Variants in PDE1C observed in about 807,000 individuals in gnomAD.
The protein encoded by PDE1C is phosphodiesterase 1C.
In PDE1C, 62 loss-of-function variants were observed where a neutral mutation model predicts 93.1. That is an observed-to-expected ratio of 0.67 (90% CI 0.54 to 0.82). PDE1C has a LOEUF of 0.82. Ranked by LOEUF, PDE1C falls within the 40% of genes least tolerant of loss-of-function variation. PDE1C has a pLI of 0.00. For missense variants in PDE1C, 742 were observed against 884.6 expected (o/e 0.84, Z 2.04); for synonymous variants, 325 against 310.1 (o/e 1.05, Z -0.50).
chr7:32,189,016 G>A (rs1042804844), intron 2 of PDE1C, among the ~76,000 whole-genome samples: 1 of 152,146 alleles, frequency 6.6e-6, no homozygotes, highest in Non-Finnish European at 1.5e-5. Flanking sequence ...GACTCAACCT[G>A]CTTCAAAGCA....
the PDE1C span, chr7:31,643,061 A>T: frequency 6.2e-7 from 1 of 1,613,934 alleles, no homozygotes; most frequent in Non-Finnish European, 8.5e-7. Flanking sequence ...AAATATGATC[A>T]TCCTCTGGGG....
At chr7:32,313,220 A>C (rs867841133) in intron 1 of PDE1C, among the ~76,000 whole-genome samples, 1 of 151,972 alleles carries the variant, frequency 6.6e-6, no homozygotes, top group East Asian at 1.9e-4. Context: ...TCTCACACCA[A>C]TTAGAATTGC....
chr7:32,241,658 C>T (rs73106564), intron 1 of PDE1C, among the ~76,000 whole-genome samples: 6,748 of 152,010 alleles, frequency 0.044, 303 homozygotes, highest in South Asian at 0.18. Context: ...AAAATGGAGG[C>T]CATTAGAGCA....
chr7:31,999,504 G>A (rs1259665170), intron 2 of PDE1C, among the ~76,000 whole-genome samples: 1 of 152,014 alleles, frequency 6.6e-6, no homozygotes, highest in African/African-American at 2.4e-5. Flanking sequence ...AAAGCACCAG[G>A]AATCTGCAAG....
At chr7:31,917,717 A>G (rs1462789059) in intron 2 of PDE1C, among the ~76,000 whole-genome samples, 2 of 152,170 alleles carry the variant, frequency 1.3e-5, no homozygotes, top group Admixed American at 6.5e-5. Context: ...CTGGCCAGCT[A>G]TTGGTCCATG....
rs562229589 is a variant in PDE1C, at chr7:32,115,010, TTGG to T, written c.308+54772_308+54774del. 2.0e-4 allele frequency among the ~76,000 whole-genome samples: 30 copies of T among 152,236 alleles called. No individual in the cohort carries two copies. The East Asian group carries it at 5.6e-3, about 28-fold the overall frequency. On this transcript the variant is annotated intron_variant, in intron 3 of 18. Coordinates refer to the PDE1C transcript ENST00000396193. ...GAGAAATAGGAACACTTTTACACTA[TTGG>T]TGGGAATGTAAATAAGTGCAACCAT...
intron 2 of PDE1C, among the ~76,000 whole-genome samples, chr7:32,015,233 C>T (rs1787726347): frequency 6.6e-6 from 1 of 151,534 alleles, no homozygotes; most frequent in Non-Finnish European, 1.5e-5. Context: ...AAGTTCTTTA[C>T]AGCAGTATGA....
rs1792817932 is a variant in PDE1C at position 31,847,809 on chromosome 7, C to T, written c.980+159G>A. On this transcript the variant is annotated intron_variant, in intron 9 of 17. Transcript: ENST00000396191. The stretch of plus-strand genomic sequence containing the variant: ...AAAAAAGAGAAATAAGACATACATA[C>T]ATACACAAAGAGAGGGTGAGAGTGA... 1.8e-5 allele frequency: 13 copies of T among 712,386 alleles called. 1 individual carries two copies. The South Asian group carries it at 1.9e-4, about 10-fold the overall frequency. The allele number at this position is 712,386 out of a possible 1,614,324, so 44.1% of individuals were successfully genotyped here.
chr7:32,374,189 A>AGAGAGG (rs1348938827), intron 1 of PDE1C, among the ~76,000 whole-genome samples: 2,634 of 139,420 alleles, frequency 0.019, 61 homozygotes, highest in Middle Eastern at 0.033. Context: ...AAAGAAAGAA[A>AGAGAGG]GAAAGAGAGG....
At chr7:32,309,994 T>C (rs1003645911) in intron 1 of PDE1C, among the ~76,000 whole-genome samples, 2 of 152,136 alleles carry the variant, frequency 1.3e-5, no homozygotes, top group African/African-American at 4.8e-5. Context: ...GTGTGCTGTA[T>C]TCAGGAAACC....
chr7:32,148,006 G>C (rs199611295), intron 3 of PDE1C, among the ~76,000 whole-genome samples: 13 of 42,852 alleles, frequency 3.0e-4, no homozygotes, highest in African/African-American at 6.3e-4. Context: ...AAAAAAAAAA[G>C]CCTAACCTTT....
At position 32,334,441 on chromosome 7, in the gene PDE1C, T is replaced by A. The variant is rs182213659; in HGVS notation, c.310+93381A>T. Among the ~76,000 whole-genome samples the A allele has an allele frequency of 4.5e-4, 69 of 152,236 alleles. No homozygotes were observed. The East Asian group carries it at 0.011, about 25-fold the overall frequency. ...ATTCGTATAATGGACTTTTTAAAAATTTTTCCCCCATAGGTTATTGGGGTA... is the reference window on the plus strand; with the variant it reads ...ATTCGTATAATGGACTTTTTAAAAAATTTTCCCCCATAGGTTATTGGGGTA... On this transcript the variant is annotated intron_variant, in intron 1 of 1. Transcript: ENST00000672256.
intron 2 of PDE1C, among the ~76,000 whole-genome samples, chr7:31,948,320 T>C (rs1563082079): frequency 6.6e-6 from 1 of 152,194 alleles, no homozygotes; most frequent in Non-Finnish European, 1.5e-5. Flanking sequence ...ATAGATATCT[T>C]AGCTGGTTGG....
chr7:31,753,257 A>G lies in PDE1C; in HGVS notation c.*127T>C. The G allele has an allele frequency of 8.8e-7, 1 of 1,140,944 alleles. No homozygotes were observed. The highest frequency in any genetic ancestry group is 1.2e-6 in the Non-Finnish European group (1 of 821,330). The allele number at this position is 1,140,944 out of a possible 1,614,324, so 70.7% of individuals were successfully genotyped here. A position where few individuals can be genotyped will look rare whatever the true frequency, so the allele number is the denominator to read the frequency against. ...TACAACTTTCATTTCACCTTGGTGG[A>G]GTCAACCAGGATAGTACCTGCTCCA... is the stretch of plus-strand genomic sequence containing the variant. On this transcript the variant is annotated 3_prime_UTR_variant, in exon 18 of 18. Transcript: ENST00000396191.
In PDE1C at chr7:31,775,713, G is replaced by T. The variant is rs780738559; in HGVS notation, c.1911C>A (p.His637Gln). The T allele has an allele frequency of 6.2e-7, 1 of 1,612,798 alleles. No individual in the cohort carries two copies. Among genetic ancestry groups the T allele is most frequent in the Admixed American group, 1.7e-5 (1 of 60,016 alleles). Residue 637 changes from histidine to glutamine, a missense_variant, in exon 17 of 18, where the codon CAC (histidine) becomes CAA (glutamine). His to Gln is a conservative substitution (Grantham distance 24, BLOSUM62 0). This residue lies in a region of PDE1C where 454 missense variants were observed against 459.4 expected (regional missense o/e 0.99). Transcript: ENST00000396191. ...AGCTGGTGCTTGGGGCTGGTGAGCC[G>T]TGAGAACGCTGTTTTGTGCCTGTGA... ...KKTDGTKQRS[H>Q]GSPAPSTSST...
intron 2 of PDE1C, among the ~76,000 whole-genome samples, chr7:31,944,398 C>A (rs1295895752): frequency 3.9e-5 from 6 of 152,188 alleles, no homozygotes; most frequent in African/African-American, 1.2e-4. Flanking sequence ...AGGTCCTTCT[C>A]CCCCAGGCTG....
intron 2 of PDE1C, among the ~76,000 whole-genome samples, chr7:32,009,379 G>T (rs117745925): frequency 0.011 from 1,599 of 152,278 alleles, 25 homozygotes; most frequent in South Asian, 0.049. Context: ...TACATAAAGA[G>T]AGCTAAATAG....
At chr7:32,007,167 T>C (rs967599348) in intron 2 of PDE1C, among the ~76,000 whole-genome samples, 1 of 152,348 alleles carries the variant, frequency 6.6e-6, no homozygotes, top group Non-Finnish European at 1.5e-5. Flanking sequence ...AGGACCCAAA[T>C]AGATCTTAAA....
chr7:32,261,217 C>T (rs1810172878), intron 1 of PDE1C, among the ~76,000 whole-genome samples: 1 of 152,130 alleles, frequency 6.6e-6, no homozygotes, highest in African/African-American at 2.4e-5. Flanking sequence ...TTTTGTAAAA[C>T]CTAAGATCAG....
Sources: gnomAD v4.1 joint callset for allele counts (sites outside exome capture counted in the v4.1 genomes callset) on GRCh38, gnomAD v4.1.1 for gene constraint, gnomAD v4.1.1 regional missense constraint, MANE v1.5 for transcripts, NCBI Gene and HGNC (gene_info 2026-07-23, HGNC 2026-07-21) for gene names.